The following CARMIL1 variants were observed in gnomAD, a reference collection of about 807,000 sequenced individuals.
CARMIL1 encodes the protein F-actin-uncapping protein LRRC16A.
CARMIL1 carries 90 observed loss-of-function variants against 177.1 expected under a neutral mutation model. The ratio of observed to expected loss-of-function variants is 0.51; its 90% CI spans 0.43 to 0.61. The LOEUF is 0.61. CARMIL1 is among the 20% of genes least tolerant of loss of function. CARMIL1 has a pLI of 0.00. For missense variants in CARMIL1, 1,380 were observed against 1,667.0 expected, an observed-to-expected ratio of 0.83 and a Z score of 3.00; for synonymous variants, 577 against 606.2, an observed-to-expected ratio of 0.95 and a Z score of 0.71.
chr6:25,578,589 G>A (rs1012294236), intron 29 of CARMIL1, among the ~76,000 whole-genome samples: 37 of 152,124 alleles, frequency 2.4e-4, no homozygotes, highest in African/African-American at 8.0e-4. Context: ...AAAAATATGG[G>A]AGAAATGAGA....
At chr6:25,390,982 G>T (rs970261997) in intron 2 of CARMIL1, among the ~76,000 whole-genome samples, 1 of 152,256 alleles carries the variant, frequency 6.6e-6, no homozygotes, top group African/African-American at 2.4e-5. Flanking sequence ...AATTACAGGT[G>T]TGAGCCACTG....
At chr6:25,533,109 T>C (rs1051404950) in intron 24 of CARMIL1, among the ~76,000 whole-genome samples, 3 of 152,178 alleles carry the variant, frequency 2.0e-5, no homozygotes, top group South Asian at 2.1e-4. Flanking sequence ...CGTTATATTC[T>C]CTTTCCTCTT....
chr6:25,279,985 G>A (rs370743752), intron 1 of CARMIL1, 150 bp downstream of exon 1: 5 of 936,904 alleles, frequency 5.3e-6, no homozygotes, highest in South Asian at 4.1e-5. Context: ...GGGGGTGCCG[G>A]GAAGTTTGTT....
rs1810852419 is a variant in CARMIL1 at position 25,558,717 on chromosome 6, A to ATC, written c.2742+1869_2742+1870dup. Among the ~76,000 whole-genome samples, 1 of 152,112 alleles carries ATC rather than the reference A, an allele frequency of 6.6e-6. No homozygotes were observed. Among genetic ancestry groups the ATC allele is most frequent in the Non-Finnish European group, 1.5e-5 (1 of 68,018 alleles). ...AAGCCACGTTAGGAGGGTAGACTTT[A>ATC]TCTGGTTTAAAGGGCCAAGGAGGTA... On this transcript the variant is annotated intron_variant, in intron 29 of 36. Transcript: ENST00000329474. The surrounding 1 kb of genome is among the most constrained non-coding windows in gnomAD (Gnocchi z 4.1).
At chr6:25,312,926 A>G (rs901232320) in intron 2 of CARMIL1, among the ~76,000 whole-genome samples, 2 of 150,088 alleles carry the variant, frequency 1.3e-5, no homozygotes, top group Non-Finnish European at 3.0e-5. Flanking sequence ...AAAAAAAAAA[A>G]AAAAACCAGA....
At chr6:25,542,740 A>C (rs1308574209) in intron 26 of CARMIL1, among the ~76,000 whole-genome samples, 1 of 152,130 alleles carries the variant, frequency 6.6e-6, no homozygotes, top group Non-Finnish European at 1.5e-5. Context: ...CTTATAATGG[A>C]CTTCCTTATA....
chr6:25,401,758 T>G lies in CARMIL1; in HGVS notation c.139-18356T>G, dbSNP rs548903744. 5.3e-5 allele frequency among the ~76,000 whole-genome samples: 8 copies of G among 152,314 alleles called. No homozygotes were observed. In the South Asian group the frequency reaches 1.7e-3, roughly 32 times the overall value. ...TTTGCTGATGAATAAATGAACCCCATTATACTGACAGCCACCTCACTAATC... is the reference window on the plus strand; with the variant it reads ...TTTGCTGATGAATAAATGAACCCCAGTATACTGACAGCCACCTCACTAATC... On this transcript the variant is annotated intron_variant, in intron 2 of 36. Transcript: ENST00000329474.
intron 16 of CARMIL1, among the ~76,000 whole-genome samples, chr6:25,498,815 G>A (rs1438214710): frequency 3.3e-5 from 5 of 152,124 alleles, no homozygotes; most frequent in Admixed American, 6.5e-5. Flanking sequence ...TCAATACTGC[G>A]CCCATGAAAG....
chr6:25,435,494 A>G lies in CARMIL1; in HGVS notation c.261A>G (p.Glu87=). Residue 87 remains glutamate, a synonymous_variant, in exon 5 of 37, where the codon GAA becomes GAG. Transcript: ENST00000329474. ...VCSKSAQMIV[E]TEKCSISMKM... is the part of the protein sequence containing the mutation. The stretch of plus-strand genomic sequence containing the variant: ...ACCGGTTCTTGCAGATGATTGTGGA[A>G]ACTGAGAAGTGCAGCATTTCCATGA... The G allele has an allele frequency of 6.4e-7, 1 of 1,551,318 alleles. No homozygotes were observed.
chr6:25,353,014 C>T (rs967243001), intron 2 of CARMIL1, among the ~76,000 whole-genome samples: 4 of 152,082 alleles, frequency 2.6e-5, no homozygotes, highest in East Asian at 3.9e-4. Context: ...CTTCTCCTGC[C>T]GCCCTGCCTG....
At chr6:25,524,256 CA>C (rs774099226) in intron 23 of CARMIL1, among the ~76,000 whole-genome samples, 3 of 152,122 alleles carry the variant, frequency 2.0e-5, no homozygotes, top group Non-Finnish European at 4.4e-5. Flanking sequence ...TGCTTAAAAA[CA>C]AACAAACAAA....
intron 31 of CARMIL1, among the ~76,000 whole-genome samples, chr6:25,585,838 CAT>C (rs1302866172): frequency 4.6e-5 from 7 of 152,026 alleles, no homozygotes; most frequent in Admixed American, 1.3e-4. Flanking sequence ...GGACACAGCA[CAT>C]GTTTCAGAGA....
chr6:25,439,004 T>A (rs1437520667), intron 5 of CARMIL1, among the ~76,000 whole-genome samples: 1 of 151,944 alleles, frequency 6.6e-6, no homozygotes, highest in Non-Finnish European at 1.5e-5. Context: ...AGAGGGTAGA[T>A]GTAAGCTTTA....
chr6:25,413,210 G>C (rs554372119), intron 2 of CARMIL1, among the ~76,000 whole-genome samples: 12 of 152,290 alleles, frequency 7.9e-5, no homozygotes, highest in African/African-American at 2.6e-4. Flanking sequence ...TGGGAGTTTG[G>C]AAGGGGAAAG....
At chr6:25,480,087 A>G (rs536897577) in intron 11 of CARMIL1, among the ~76,000 whole-genome samples, 1 of 152,286 alleles carries the variant, frequency 6.6e-6, no homozygotes, top group South Asian at 2.1e-4. Flanking sequence ...ATGGCTCAGT[A>G]TATGATTCCT....
intron 33 of CARMIL1, among the ~76,000 whole-genome samples, chr6:25,602,545 C>T (rs1266698705): frequency 6.6e-6 from 1 of 152,160 alleles, no homozygotes; most frequent in African/African-American, 2.4e-5. Flanking sequence ...TTGTTTAGGG[C>T]TTACACAGTA....
chr6:25,338,768 A>G (rs147307096), intron 2 of CARMIL1, among the ~76,000 whole-genome samples: 41 of 152,262 alleles, frequency 2.7e-4, no homozygotes, highest in African/African-American at 9.9e-4. Flanking sequence ...ATTTTGATGA[A>G]TGAGTTGTTC....
intron 12 of CARMIL1, among the ~76,000 whole-genome samples, chr6:25,484,004 T>A (rs759521782): frequency 3.9e-5 from 6 of 152,128 alleles, no homozygotes; most frequent in Non-Finnish European, 7.4e-5. Context: ...GCGATCTGCC[T>A]GCCTCAGCCT....
chr6:25,482,370 G>GC, intron 12 of CARMIL1, 27 bp downstream of exon 12: 1 of 1,132,056 alleles, frequency 8.8e-7, no homozygotes, highest in South Asian at 1.5e-5. Context: ...TTACCTAAGA[G>GC]TGTGTCTGAA....
Sources: allele counts gnomAD v4.1 joint callset (sites outside exome capture counted in the v4.1 genomes callset), GRCh38; gene constraint gnomAD v4.1.1; non-coding constraint Gnocchi (gnomAD v3.1); transcripts MANE v1.5; gene names NCBI Gene and HGNC (gene_info 2026-07-23, HGNC 2026-07-21).